CCSER2: variants seen among roughly 807,000 people sequenced by gnomAD.
CCSER2 encodes coiled-coil serine rich protein 2, also known as serine-rich coiled-coil domain-containing protein 2.
CCSER2 carries 46 observed loss-of-function variants against 92.3 expected under a neutral mutation model. The observed-to-expected ratio is 0.50, with a 90% CI of 0.39 to 0.64. The LOEUF (loss-of-function observed/expected upper bound fraction) is 0.64, where lower values mean the gene tolerates loss of function less well. Among genes scored for constraint, CCSER2 ranks in the 30% least tolerant of loss-of-function variants. The pLI is 0.00. For synonymous variants in CCSER2, 433 were observed against 431.4 expected (o/e 1.00, Z -0.04); for missense variants, 1,244 against 1,238.9 (o/e 1.00, Z -0.06).
intron 4 of CCSER2, among the ~76,000 whole-genome samples, chr10:84,424,637 C>T: frequency 6.6e-6 from 1 of 150,656 alleles, no homozygotes; most frequent in African/African-American, 2.4e-5. Context: ...GTTTTTGGTT[C>T]AGTGAAACAG....
At chr10:84,475,523 A>T (rs894177328) in intron 8 of CCSER2, among the ~76,000 whole-genome samples, 1 of 152,176 alleles carries the variant, frequency 6.6e-6, no homozygotes, top group African/African-American at 2.4e-5. Flanking sequence ...TACAAAAGTG[A>T]TACTCATTCA....
intron 5 of CCSER2, among the ~76,000 whole-genome samples, chr10:84,428,684 T>C (rs1475181330): frequency 6.6e-6 from 1 of 151,004 alleles, no homozygotes; most frequent in African/African-American, 2.4e-5. Flanking sequence ...TTGTTTCTGA[T>C]ATGGGGGGAA....
chr10:84,513,376 T>A, intron 9 of CCSER2, 73 bp from the exon 10 acceptor site: 1 of 1,122,766 alleles, frequency 8.9e-7, no homozygotes, highest in South Asian at 1.5e-5. Context: ...CAACACAGCC[T>A]AATTGGTATT....
chr10:84,372,557 A>G, intron 2 of CCSER2, 88 bp downstream of exon 2: 1 of 820,560 alleles, frequency 1.2e-6, no homozygotes. Flanking sequence ...ATAGATTTCA[A>G]GATATTATCA....
intron 9 of CCSER2, among the ~76,000 whole-genome samples, chr10:84,507,539 A>G (rs1849125507): frequency 6.6e-6 from 1 of 152,218 alleles, no homozygotes; most frequent in South Asian, 2.1e-4. Context: ...AAAATTAGCT[A>G]AATTCTGTGT....
At chr10:84,482,194 A>C (rs1589779855) in intron 9 of CCSER2, among the ~76,000 whole-genome samples, 2 of 152,162 alleles carry the variant, frequency 1.3e-5, no homozygotes, top group Admixed American at 1.3e-4. Context: ...GGGAAAAGAG[A>C]TAAGAATGAG....
At chr10:84,476,545 G>A (rs1338337098) in intron 8 of CCSER2, among the ~76,000 whole-genome samples, 1 of 142,382 alleles carries the variant, frequency 7.0e-6, no homozygotes, top group Non-Finnish European at 1.5e-5. Context: ...CCGGGTTCAT[G>A]CCATTCTCCT....
chr10:84,340,566 G>A (rs764816036), intron 1 of CCSER2, among the ~76,000 whole-genome samples: 1 of 151,458 alleles, frequency 6.6e-6, no homozygotes, highest in Non-Finnish European at 1.5e-5. Context: ...CAAATAATGA[G>A]ACTTGTTGAT....
intron 5 of CCSER2, among the ~76,000 whole-genome samples, chr10:84,432,036 C>T (rs1843800999): frequency 6.6e-6 from 1 of 152,098 alleles, no homozygotes; most frequent in South Asian, 2.1e-4. Context: ...TGAATGAGAA[C>T]TTCTGTTGCT....
chr10:84,469,463 A>T (rs1846648804), intron 7 of CCSER2, among the ~76,000 whole-genome samples: 1 of 152,054 alleles, frequency 6.6e-6, no homozygotes, highest in Admixed American at 6.6e-5. Flanking sequence ...TCTATTTCTG[A>T]TCTCTTTGTT....
At chr10:84,462,557 T>G (rs1230033106) in intron 6 of CCSER2, among the ~76,000 whole-genome samples, 1 of 152,236 alleles carries the variant, frequency 6.6e-6, no homozygotes, top group Non-Finnish European at 1.5e-5. Flanking sequence ...CTTTACTTTC[T>G]TTATTTCTTA....
At position 84,438,537 on chromosome 10, in the gene CCSER2, T is replaced by C. The variant is rs1339583653; in HGVS notation, c.1894T>C (p.Leu632=). ...AGGCTCTCCCTATAGAGAATCTCCT[T>C]TGGGTCATTTTGAAAGCTATGGAGG... ...SRGSPYRESP[L]GHFESYGGMP... The change falls in exon 6 of 10, where the codon TTG becomes CTG. Residue 632 remains leucine, a synonymous_variant. Transcript: ENST00000372088. The C allele has an allele frequency of 1.9e-6, 3 of 1,611,728 alleles. No homozygotes were observed. The African/African-American group carries it at 4.0e-5, about 22-fold the overall frequency.
intron 6 of CCSER2, among the ~76,000 whole-genome samples, chr10:84,462,793 G>A (rs1846179253): frequency 6.6e-6 from 1 of 152,158 alleles, no homozygotes; most frequent in South Asian, 2.1e-4. Flanking sequence ...TTCTGTGTCA[G>A]TGGGTATACA....
chr10:84,376,667 G>T (rs937052791), intron 3 of CCSER2, among the ~76,000 whole-genome samples: 18 of 152,014 alleles, frequency 1.2e-4, no homozygotes, highest in Admixed American at 3.3e-4. Flanking sequence ...TTTGATATAT[G>T]TTTTTTTGGT....
chr10:84,417,860 T>C lies in CCSER2; in HGVS notation c.1704T>C (p.Asn568=). The change falls in exon 4 of 10, where the codon AAT becomes AAC. Residue 568 remains asparagine (N), a splice_region_variant and synonymous_variant. Coordinates refer to ENST00000372088, the MANE Select transcript of CCSER2 (RefSeq NM_001284240.2). ...TGCCTGAGGATGCACCTCTTGAAAA[T>C]GGTAAGTTGAGACAATATTGAACCT... The part of the protein sequence containing the change: ...VDLPEDAPLE[N]VECDNMNRFD... 1 of 1,515,956 alleles carries C rather than the reference T, an allele frequency of 6.6e-7. No homozygotes were observed. The highest frequency in any genetic ancestry group is 1.1e-5 in the South Asian group (1 of 89,064). 93.9% of individuals were successfully genotyped at this position (1,515,956 alleles called of 1,614,324 possible). A position where few individuals can be genotyped will look rare whatever the true frequency, so the allele number is the denominator to read the frequency against.
intron 1 of CCSER2, among the ~76,000 whole-genome samples, chr10:84,347,922 T>C (rs1280383019): frequency 6.6e-6 from 1 of 151,036 alleles, no homozygotes; most frequent in Non-Finnish European, 1.5e-5. Flanking sequence ...GCTCCTCACT[T>C]CCTAGGTGGG....
At chr10:84,465,733 A>G (rs1396630390) in intron 7 of CCSER2, among the ~76,000 whole-genome samples, 2 of 151,960 alleles carry the variant, frequency 1.3e-5, no homozygotes, top group Non-Finnish European at 2.9e-5. Flanking sequence ...ATTTAATGCT[A>G]TATGATAGAC....
chr10:84,345,658 A>G (rs1448966864), intron 1 of CCSER2, among the ~76,000 whole-genome samples: 1 of 152,200 alleles, frequency 6.6e-6, no homozygotes, highest in Non-Finnish European at 1.5e-5. Context: ...TAGAGAACAA[A>G]GGTCTAGATT....
intron 3 of CCSER2, among the ~76,000 whole-genome samples, chr10:84,400,272 C>T (rs994449858): frequency 3.3e-5 from 5 of 152,088 alleles, no homozygotes; most frequent in Non-Finnish European, 7.4e-5. Context: ...CTCTTAATGT[C>T]GTATCAAAGA....
Sources: gnomAD v4.1 joint callset for allele counts (sites outside exome capture counted in the v4.1 genomes callset) on GRCh38, gnomAD v4.1.1 for gene constraint, MANE v1.5 for transcripts, NCBI Gene and HGNC (gene_info 2026-07-23, HGNC 2026-07-21) for gene names.